Variants in HTT observed in about 807,000 individuals in gnomAD.
The protein encoded by HTT is huntington disease protein.
Under a neutral mutation model 362.3 loss-of-function variants are expected in HTT, and 104 were observed. That is an observed-to-expected ratio of 0.29 (90% CI 0.24 to 0.34). HTT has a LOEUF of 0.34. HTT is among the 10% of genes least tolerant of loss of function. HTT has a pLI of 1.00. For synonymous variants in HTT, 1,577 were observed against 1,548.7 expected, an observed-to-expected ratio of 1.02 and a Z score of -0.43; for missense variants, 3,301 against 3,928.6, an observed-to-expected ratio of 0.84 and a Z score of 4.27.
intron 4 of HTT, 130 bp from the exon 5 acceptor site, chr4:3,105,227 G>A: frequency 3.1e-6 from 2 of 642,984 alleles, no homozygotes; most frequent in Non-Finnish European, 5.7e-6. Context: ...GTTACCAGAT[G>A]TTTTATGCAT....
chr4:3,178,235 T>C (rs1296717221), intron 34 of HTT, 63 bp from the exon 35 acceptor site: 2 of 1,214,072 alleles, frequency 1.6e-6, no homozygotes, highest in Non-Finnish European at 2.4e-6. Flanking sequence ...TATTTTATGT[T>C]GCTTATATTG....
intron 49 of HTT, 122 bp downstream of exon 49, chr4:3,212,831 C>A: frequency 9.9e-7 from 1 of 1,013,720 alleles, no homozygotes; most frequent in Non-Finnish European, 1.5e-6. Context: ...ACTTTTCCAT[C>A]TCAGCCTGGC....
At chr4:3,173,668 A>ATTTT (rs1718097038) in intron 31 of HTT, among the ~76,000 whole-genome samples, 1 of 147,384 alleles carries the variant, frequency 6.8e-6, no homozygotes, top group African/African-American at 2.6e-5. Flanking sequence ...TTTCACTTAA[A>ATTTT]TTTGTTTTTT....
intron 41 of HTT, chr4:3,203,127 A>G (rs1013724980): frequency 6.6e-6 from 1 of 152,222 alleles, no homozygotes; most frequent in Non-Finnish European, 1.5e-5. Flanking sequence ...GCTCCTTGCA[A>G]CTGCTGAGCA....
In HTT at chr4:3,174,941, T is replaced by C. The variant is rs960430463; in HGVS notation, c.4246-5T>C. The C allele has an allele frequency of 6.4e-6, 10 of 1,569,824 alleles. No homozygotes were observed. The highest frequency in any genetic ancestry group is 1.7e-6 in the Non-Finnish European group (2 of 1,154,684). ...ATTCTTTCTTTCTTTTTTTCTTTTT[T>C]ATAGAATGCTATTCATAATCACATT... is the stretch of plus-strand genomic sequence containing the variant. On this transcript the variant is annotated splice_region_variant and splice_polypyrimidine_tract_variant and intron_variant, in intron 32 of 66. Transcript: ENST00000355072.
chr4:3,141,022 T>C (rs998763862), intron 22 of HTT, among the ~76,000 whole-genome samples: 9 of 152,264 alleles, frequency 5.9e-5, no homozygotes, highest in Non-Finnish European at 8.8e-5. Flanking sequence ...GATTTTTTGG[T>C]GAGCGGGCTA....
Position 3,116,195 on chromosome 4 carries a change from C to G in HTT, c.1000C>G (p.Leu334Val). 1.2e-6 allele frequency: 2 copies of G among 1,614,114 alleles called. No individual in the cohort carries two copies. The highest frequency in any genetic ancestry group is 1.1e-5 in the South Asian group (1 of 91,076). The change falls in exon 8 of 67, where the codon CTG (leucine) becomes GTG (valine). Residue 334 changes from leucine to valine, a missense_variant. Around this residue, in one of 4 missense-constraint regions of HTT, gnomAD observed 2,316 missense variants for 2,658.5 expected, o/e 0.87. Coordinates refer to ENST00000355072, the MANE Select transcript of HTT (RefSeq NM_001388492.1). ...LLQQQVKDTS[L>V]KGSFGVTRKE... ...GCAGCAGCAGGTCAAGGACACAAGC[C>G]TGAAAGGCAGCTTCGGAGTGACAAG...
intron 31 of HTT, 70 bp from the exon 32 acceptor site, chr4:3,174,651 T>G: frequency 8.1e-7 from 1 of 1,239,266 alleles, no homozygotes; most frequent in Non-Finnish European, 1.2e-6. Flanking sequence ...AGCAGGAGTA[T>G]ATCTGAGTGC....
At chr4:3,169,490 T>C (rs1009693057) in intron 29 of HTT, among the ~76,000 whole-genome samples, 2 of 152,246 alleles carry the variant, frequency 1.3e-5, no homozygotes, top group Non-Finnish European at 2.9e-5. Context: ...GTTTCTATTA[T>C]TGTGTTTTCA....
intron 57 of HTT, among the ~76,000 whole-genome samples, chr4:3,226,002 T>A (rs1395272212): frequency 6.6e-6 from 1 of 152,122 alleles, no homozygotes; most frequent in Admixed American, 6.5e-5. Context: ...GCGATAGAGA[T>A]GTGTGTAAGA....
At position 3,185,723 on chromosome 4, in the gene HTT, G is replaced by A. The variant is rs558660197; in HGVS notation, c.4867-874G>A. Among the ~76,000 whole-genome samples, 5 of 152,302 alleles carry A rather than the reference G, an allele frequency of 3.3e-5. No homozygotes were observed. In the South Asian group the frequency reaches 8.3e-4, roughly 25 times the overall value. On this transcript the variant is annotated intron_variant, in intron 37 of 66. Coordinates refer to ENST00000355072, the MANE Select transcript of HTT (RefSeq NM_001388492.1). ...AGCTCAGGAGTTTGAGACCAGCCTG[G>A]GCAACATGGTGAAACCCTGTCTCTA...
At chr4:3,085,334 ACCATGCTGG>A (rs1280788945) in intron 1 of HTT, among the ~76,000 whole-genome samples, 1 of 151,986 alleles carries the variant, frequency 6.6e-6, no homozygotes, top group Admixed American at 6.5e-5. Context: ...GCAGCGTTTC[ACCATGCTGG>A]CCAGGCTGGT....
chr4:3,212,842 A>G, intron 49 of HTT, 133 bp downstream of exon 49: 1 of 925,368 alleles, frequency 1.1e-6, no homozygotes, highest in Non-Finnish European at 1.6e-6. Context: ...TCAGCCTGGC[A>G]GTAAGTCTTG....
Position 3,107,541 on chromosome 4 carries a change from C to T in HTT, c.747+118C>T, listed in dbSNP as rs79527817. ...GTGCTTCTTGGGGTATGTTGTATGT[C>T]GTAATTTAGACTACCATCATTTGTG... is the stretch of plus-strand genomic sequence containing the variant. On this transcript the variant is annotated intron_variant, in intron 6 of 66. Transcript: ENST00000355072. 1.8e-3 allele frequency: 1,645 copies of T among 939,004 alleles called. 56 individuals are homozygous for T. The East Asian group carries it at 0.04, about 23-fold the overall frequency. 58.2% of individuals were successfully genotyped at this position (939,004 alleles called of 1,614,324 possible). A position where few individuals can be genotyped will look rare whatever the true frequency, so the allele number is the denominator to read the frequency against.
chr4:3,176,263 G>A (rs1375463081), intron 33 of HTT, among the ~76,000 whole-genome samples: 1 of 152,048 alleles, frequency 6.6e-6, no homozygotes, highest in Non-Finnish European at 1.5e-5. Context: ...TCCTGACCTC[G>A]TGATCTGCCC....
Position 3,212,605 on chromosome 4 carries a change from G to A in HTT, c.6670G>A (p.Ala2224Thr). Residue 2224 changes from alanine (A) to threonine (T), a missense_variant, in exon 49 of 67, where the codon GCC becomes ACC. Around this residue, in one of 4 missense-constraint regions of HTT, gnomAD observed 220 missense variants for 218.5 expected, o/e 1.01. Coordinates refer to ENST00000355072, the MANE Select transcript of HTT (RefSeq NM_001388492.1). Reference sequence around the variant, plus strand: ...TCAGTCCCTGCCCACTCTGGCCCGGGCCCTGGCACAGTACCTGGTGGTGGT... The same window carrying A: ...TCAGTCCCTGCCCACTCTGGCCCGGACCCTGGCACAGTACCTGGTGGTGGT... ...LYQSLPTLAR[A>T]LAQYLVVVSK... 1 of 1,614,222 alleles carries A rather than the reference G, an allele frequency of 6.2e-7. No homozygotes were observed.
intron 6 of HTT, 117 bp downstream of exon 6, chr4:3,107,540 T>C: frequency 1.0e-6 from 1 of 979,678 alleles, no homozygotes; most frequent in Non-Finnish European, 1.5e-6. Flanking sequence ...ATGTTGTATG[T>C]CGTAATTTAG....
At chr4:3,133,342 A>C (rs77486519) in intron 18 of HTT, among the ~76,000 whole-genome samples, 37 of 151,114 alleles carry the variant, frequency 2.4e-4, no homozygotes, top group Admixed American at 6.6e-5. Flanking sequence ...AAAAAAAAAA[A>C]AGTAGCTGGG....
chr4:3,166,270 G>A (rs932406533), intron 29 of HTT, among the ~76,000 whole-genome samples: 2 of 152,316 alleles, frequency 1.3e-5, no homozygotes, highest in Admixed American at 6.5e-5. Flanking sequence ...ATTGCTGCCT[G>A]ATCCTTCCTC....
Sources: allele counts gnomAD v4.1 joint callset (sites outside exome capture counted in the v4.1 genomes callset), GRCh38; gene constraint gnomAD v4.1.1; regional missense constraint gnomAD v4.1.1; transcripts MANE v1.5; gene names NCBI Gene and HGNC (gene_info 2026-07-23, HGNC 2026-07-21).